FBXL7: variants seen among roughly 807,000 people sequenced by gnomAD.
FBXL7 encodes F-box/LRR-repeat protein 7.
In FBXL7, 12 loss-of-function variants were observed where a neutral mutation model predicts 38.3. The observed-to-expected ratio is 0.31, with a 90% CI of 0.20 to 0.51. FBXL7 has a LOEUF of 0.51. Ranked by LOEUF, FBXL7 falls within the 20% of genes least tolerant of loss-of-function variation. The pLI, the probability that FBXL7 is intolerant of heterozygous loss-of-function variation, is 0.98. For missense variants in FBXL7, 567 were observed against 676.4 expected, an observed-to-expected ratio of 0.84 and a Z score of 1.79; for synonymous variants, 297 against 300.9, an observed-to-expected ratio of 0.99 and a Z score of 0.13.
At chr5:15,810,333 G>A (rs1737825932) in intron 2 of FBXL7, among the ~76,000 whole-genome samples, 1 of 152,036 alleles carries the variant, frequency 6.6e-6, no homozygotes, top group South Asian at 2.1e-4. Context: ...GGCCGAGGTG[G>A]GCAGATCACT....
At chr5:15,702,875 A>G (rs1743571764) in intron 2 of FBXL7, among the ~76,000 whole-genome samples, 1 of 152,120 alleles carries the variant, frequency 6.6e-6, no homozygotes, top group Non-Finnish European at 1.5e-5. Context: ...CCGTTTTATA[A>G]GATTTGGGTA....
intron 1 of FBXL7, among the ~76,000 whole-genome samples, chr5:15,529,639 C>T (rs984927718): frequency 3.3e-5 from 5 of 152,124 alleles, no homozygotes; most frequent in Admixed American, 1.3e-4. Flanking sequence ...CCACCCACCT[C>T]GGCCTCCCAA....
intron 2 of FBXL7, among the ~76,000 whole-genome samples, chr5:15,711,322 G>A (rs1233946109): frequency 6.6e-6 from 1 of 152,128 alleles, no homozygotes; most frequent in Non-Finnish European, 1.5e-5. Context: ...ATGATTGCGT[G>A]GCATTCTGTC....
At chr5:15,776,107 G>T (rs1385932488) in intron 2 of FBXL7, among the ~76,000 whole-genome samples, 2 of 151,886 alleles carry the variant, frequency 1.3e-5, no homozygotes, top group African/African-American at 4.8e-5. Context: ...ATATAACTAG[G>T]CAGTAAATAA....
chr5:15,839,659 A>G (rs1020295383), intron 2 of FBXL7, among the ~76,000 whole-genome samples: 4 of 152,196 alleles, frequency 2.6e-5, no homozygotes, highest in Non-Finnish European at 1.5e-5. Context: ...TTTATTTACT[A>G]ACAAAATAGT....
intron 2 of FBXL7, among the ~76,000 whole-genome samples, chr5:15,837,869 A>G (rs1044651953): frequency 1.3e-5 from 2 of 152,158 alleles, no homozygotes; most frequent in Non-Finnish European, 1.5e-5. Context: ...TGTTTCTCTC[A>G]GATCAGCAGT....
intron 2 of FBXL7, among the ~76,000 whole-genome samples, chr5:15,657,318 C>T (rs891214889): frequency 6.6e-6 from 1 of 150,508 alleles, no homozygotes; most frequent in African/African-American, 2.5e-5. Context: ...GCTGTTTGCC[C>T]TACTTTAGTA....
intron 1 of FBXL7, among the ~76,000 whole-genome samples, chr5:15,512,463 A>G (rs1444314124): frequency 6.6e-6 from 1 of 152,198 alleles, no homozygotes; most frequent in African/African-American, 2.4e-5. Context: ...ATGGATCTAT[A>G]GCCATGATCT....
chr5:15,598,885 C>T (rs528714528), intron 1 of FBXL7, among the ~76,000 whole-genome samples: 14 of 152,196 alleles, frequency 9.2e-5, no homozygotes, highest in African/African-American at 2.9e-4. Context: ...CTCACCCAAC[C>T]ATGTGGCAGC....
intron 2 of FBXL7, among the ~76,000 whole-genome samples, chr5:15,738,997 A>G (rs918514346): frequency 6.6e-6 from 1 of 152,220 alleles, no homozygotes. Context: ...GTCCCTTAAC[A>G]CATTGAAAGT....
intron 1 of FBXL7, among the ~76,000 whole-genome samples, chr5:15,535,301 G>A (rs1048719923): frequency 1.3e-5 from 2 of 152,212 alleles, no homozygotes; most frequent in East Asian, 1.9e-4. Flanking sequence ...TGGAAGCAAC[G>A]TTGGAACTGG....
At chr5:15,788,704 T>G (rs995502355) in intron 2 of FBXL7, among the ~76,000 whole-genome samples, 13 of 151,958 alleles carry the variant, frequency 8.6e-5, no homozygotes, top group African/African-American at 3.1e-4. Context: ...TTTTTTTTTT[T>G]CTTTGACGGA....
At position 15,924,580 on chromosome 5, in the gene FBXL7, G is replaced by A. The variant is rs533221486; in HGVS notation, c.128-3310G>A. Among the ~76,000 whole-genome samples the A allele has an allele frequency of 4.6e-5, 7 of 151,204 alleles. No individual in the cohort carries two copies. The East Asian group carries it at 1.4e-3, about 30-fold the overall frequency. On this transcript the variant is annotated intron_variant, in intron 2 of 3. Transcript: ENST00000504595. The stretch of plus-strand genomic sequence containing the variant: ...AAGCTGGCCTTGGTTGAGCCTGTCT[G>A]TAAGGTACAGGTTGGAGGAAGTTCT...
At chr5:15,912,939 A>G (rs930656911) in intron 2 of FBXL7, among the ~76,000 whole-genome samples, 22 of 152,314 alleles carry the variant, frequency 1.4e-4, no homozygotes, top group Admixed American at 5.9e-4. Flanking sequence ...GACCTTTAGA[A>G]TCAGAGCCCA....
At chr5:15,637,954 T>TG (rs1476763664) in intron 2 of FBXL7, among the ~76,000 whole-genome samples, 1 of 152,174 alleles carries the variant, frequency 6.6e-6, no homozygotes, top group Non-Finnish European at 1.5e-5. Context: ...CTTTGAAAAC[T>TG]GGGGGAAGTA....
intron 2 of FBXL7, among the ~76,000 whole-genome samples, chr5:15,755,853 T>G (rs1736283425): frequency 6.6e-6 from 1 of 152,204 alleles, no homozygotes; most frequent in African/African-American, 2.4e-5. Context: ...AAGACGTTTG[T>G]GGCAATCCAG....
chr5:15,609,670 T>A (rs113424407), intron 1 of FBXL7, among the ~76,000 whole-genome samples: 1 of 152,182 alleles, frequency 6.6e-6, no homozygotes, highest in Non-Finnish European at 1.5e-5. Context: ...TGACTTGTGG[T>A]CATGTCAGTG....
chr5:15,882,094 G>A (rs1415853213), intron 2 of FBXL7, among the ~76,000 whole-genome samples: 7 of 152,086 alleles, frequency 4.6e-5, no homozygotes, highest in Non-Finnish European at 1.0e-4. Context: ...CTATCGTGAC[G>A]ACAGCACCAA....
intron 2 of FBXL7, among the ~76,000 whole-genome samples, chr5:15,813,167 T>C (rs943830336): frequency 1.3e-5 from 2 of 152,164 alleles, no homozygotes; most frequent in African/African-American, 4.8e-5. Context: ...CAATACTATG[T>C]TGAATAGGAG....
Sources: allele counts gnomAD v4.1 joint callset (sites outside exome capture counted in the v4.1 genomes callset), GRCh38; gene constraint gnomAD v4.1.1; transcripts MANE v1.5; gene names NCBI Gene and HGNC (gene_info 2026-07-23, HGNC 2026-07-21).